The following TBC1D1 variants were observed in gnomAD, a reference collection of about 807,000 sequenced individuals.
TBC1D1 encodes TBC1 domain family member 1.
A neutral mutation model predicts 125.6 loss-of-function variants in TBC1D1; 89 were observed. The ratio of observed to expected loss-of-function variants is 0.71; its 90% CI spans 0.60 to 0.85. TBC1D1 has a LOEUF of 0.85. Among genes scored for constraint, TBC1D1 ranks in the 40% least tolerant of loss-of-function variants. The probability of loss-of-function intolerance (pLI) is 0.00; values close to 1 mark genes in which losing one functional copy is unlikely to be tolerated. For synonymous variants in TBC1D1, 565 were observed against 564.1 expected, an observed-to-expected ratio of 1.00 and a Z score of -0.02; for missense variants, 1,377 against 1,469.2, an observed-to-expected ratio of 0.94 and a Z score of 1.03.
intron 11 of TBC1D1, 76 bp from the exon 12 acceptor site, chr4:38,051,823 C>T (rs1409786211): frequency 1.4e-6 from 2 of 1,431,724 alleles, no homozygotes; most frequent in Non-Finnish European, 1.9e-6. Flanking sequence ...GTGCTCCTTC[C>T]ACCTGTTTGC....
intron 12 of TBC1D1, among the ~76,000 whole-genome samples, chr4:38,057,363 A>G (rs1004157701): frequency 6.6e-6 from 1 of 152,024 alleles, no homozygotes; most frequent in African/African-American, 2.4e-5. Flanking sequence ...ACTCTCCCAT[A>G]GCAGCTCTCT....
rs188045737 is a variant in TBC1D1, at chr4:38,090,238, T to C, written c.2236+121T>C. ...AGCACGATAGTCTAATGTATACATCTATCTATATCTGTTTACTTTTTCAGA... is the reference window on the plus strand; with the variant it reads ...AGCACGATAGTCTAATGTATACATCCATCTATATCTGTTTACTTTTTCAGA... On this transcript the variant is annotated intron_variant, in intron 13 of 19. Coordinates refer to ENST00000261439, the MANE Select transcript of TBC1D1 (RefSeq NM_015173.4). 2.0e-4 allele frequency: 172 copies of C among 879,850 alleles called. 1 individual carries two copies. In the African/African-American group the frequency reaches 2.7e-3, roughly 14 times the overall value. 54.5% of individuals were successfully genotyped at this position (879,850 alleles called of 1,614,324 possible). A position where few individuals can be genotyped will look rare whatever the true frequency, so the allele number is the denominator to read the frequency against.
intron 2 of TBC1D1, among the ~76,000 whole-genome samples, chr4:37,933,450 A>G (rs780106268): frequency 0.091 from 13,784 of 151,670 alleles, 749 homozygotes; most frequent in Middle Eastern, 0.14. Context: ...ACACACACAC[A>G]CACACACACA....
chr4:38,089,982 TG>T lies in TBC1D1; in HGVS notation c.2102del (p.Cys701LeufsTer52). 1 of 1,613,790 alleles carries T rather than the reference TG, an allele frequency of 6.2e-7. No homozygotes were observed. The highest frequency in any genetic ancestry group is 1.7e-5 in the Admixed American group (1 of 59,882). On this transcript the variant is annotated frameshift_variant, in exon 13 of 20. Coordinates refer to ENST00000261439, the MANE Select transcript of TBC1D1 (RefSeq NM_015173.4). LOFTEE classifies it high-confidence loss of function. ...CCCACGATCTCCTTTAGAACCAGTT[TG>T]TGAAGATGGGCCCTTTGGCCCCCCA...
Position 38,109,312 on chromosome 4 carries a change from G to A in TBC1D1, c.2557+6155G>A, listed in dbSNP as rs114796438. 1.8e-3 allele frequency among the ~76,000 whole-genome samples: 279 copies of A among 152,294 alleles called. 1 individual carries two copies. The highest frequency in any genetic ancestry group is 6.2e-3 in the African/African-American group (259 of 41,548). ...TCTCTGATCTTATCAGGATCACATC[G>A]TGGGATCATATTTATTTGGTCATTC... On this transcript the variant is annotated intron_variant, in intron 15 of 19. Coordinates refer to ENST00000261439, the MANE Select transcript of TBC1D1 (RefSeq NM_015173.4).
In TBC1D1 at chr4:38,049,777, C is replaced by T; in HGVS notation, c.1789C>T (p.Leu597=). 1 of 1,614,194 alleles carries T rather than the reference C, an allele frequency of 6.2e-7. No individual in the cohort carries two copies. The highest frequency in any genetic ancestry group is 8.5e-7 in the Non-Finnish European group (1 of 1,180,034). The change falls in exon 11 of 20, where the codon CTG becomes TTG. Residue 597 remains leucine, a synonymous_variant. Transcript: ENST00000261439. ...GGCCTTCAGGAGGCGAGCAAACACC[C>T]TGAGTCACTTCCCCATCGAATGCCA...
intron 2 of TBC1D1, among the ~76,000 whole-genome samples, chr4:37,991,890 AC>A: frequency 6.6e-6 from 1 of 152,352 alleles, no homozygotes. Context: ...CCAGGGGGTG[AC>A]AAAGAATATT....
At chr4:38,102,966 A>C in intron 14 of TBC1D1, 33 bp from the exon 17 acceptor site, 12 of 1,597,962 alleles carry the variant, frequency 7.5e-6, no homozygotes, top group Non-Finnish European at 1.0e-5. Context: ...TTCTGTGCAT[A>C]AATTATTTCC....
intron 18 of TBC1D1, among the ~76,000 whole-genome samples, chr4:38,126,784 G>A (rs1764721471): frequency 6.6e-6 from 1 of 152,052 alleles, no homozygotes; most frequent in South Asian, 2.1e-4. Flanking sequence ...TTCACTGACT[G>A]ACCCACACTC....
chr4:37,897,223 T>G (rs944691515), intron 1 of TBC1D1, among the ~76,000 whole-genome samples: 1 of 152,196 alleles, frequency 6.6e-6, no homozygotes, highest in African/African-American at 2.4e-5. Flanking sequence ...GCAGAAATAA[T>G]TGCAGTTTTT....
At chr4:38,047,870 T>C (rs1286205462) in intron 10 of TBC1D1, among the ~76,000 whole-genome samples, 1 of 152,200 alleles carries the variant, frequency 6.6e-6, no homozygotes, top group Non-Finnish European at 1.5e-5. Context: ...CCAGTGTCAA[T>C]AGACATACCA....
At chr4:38,134,873 C>T (rs1298117049) in intron 19 of TBC1D1, among the ~76,000 whole-genome samples, 1 of 152,240 alleles carries the variant, frequency 6.6e-6, no homozygotes, top group African/African-American at 2.4e-5. Flanking sequence ...AGTAGTCCTA[C>T]ACTTCTGGAA....
At chr4:38,039,186 T>C (rs111830289) in intron 8 of TBC1D1, among the ~76,000 whole-genome samples, 12,657 of 136,246 alleles carry the variant, frequency 0.093, 1,384 homozygotes, top group African/African-American at 0.26. Context: ...GGCGCTATCT[T>C]GGCTCACTGC....
chr4:38,094,634 C>T (rs1405955320), intron 13 of TBC1D1, among the ~76,000 whole-genome samples: 5 of 152,158 alleles, frequency 3.3e-5, no homozygotes, highest in Non-Finnish European at 7.3e-5. Context: ...ATCTTCTGGC[C>T]AGTTCTTTCT....
intron 2 of TBC1D1, chr4:37,951,935 T>C (rs1298317813): frequency 2.8e-6 from 2 of 716,538 alleles, no homozygotes; most frequent in Non-Finnish European, 5.2e-6. Context: ...TCCCTCCCTG[T>C]GACTGTACAA....
intron 12 of TBC1D1, among the ~76,000 whole-genome samples, chr4:38,059,858 C>T (rs927369255): frequency 1.3e-5 from 2 of 152,094 alleles, no homozygotes; most frequent in Admixed American, 1.3e-4. Context: ...GGTTATTTTT[C>T]GTAATGCTCT....
intron 2 of TBC1D1, among the ~76,000 whole-genome samples, chr4:37,917,318 T>C (rs1719943491): frequency 6.6e-6 from 1 of 151,294 alleles, no homozygotes; most frequent in African/African-American, 2.4e-5. Flanking sequence ...TACTAAAAAA[T>C]ACAAAAATTA....
At chr4:38,023,975 T>A (rs1744588854) in intron 6 of TBC1D1, among the ~76,000 whole-genome samples, 1 of 152,196 alleles carries the variant, frequency 6.6e-6, no homozygotes, top group Admixed American at 6.5e-5. Flanking sequence ...CTCGCAAGAT[T>A]TGCTACTTTC....
chr4:38,124,883 A>G, intron 17 of TBC1D1, 79 bp from the exon 20 acceptor site: 3 of 1,237,380 alleles, frequency 2.4e-6, no homozygotes, highest in East Asian at 2.3e-5. Context: ...CTGCTCTGTG[A>G]TGTGTGGAAA....
Sources: allele counts gnomAD v4.1 joint callset (sites outside exome capture counted in the v4.1 genomes callset), GRCh38; gene constraint gnomAD v4.1.1; transcripts MANE v1.5; gene names NCBI Gene and HGNC (gene_info 2026-07-23, HGNC 2026-07-21).